Variants in MAGI2 observed in about 807,000 individuals in gnomAD.
The protein encoded by MAGI2 is membrane-associated guanylate kinase, WW and PDZ domain-containing protein 2.
A neutral mutation model predicts 133.3 loss-of-function variants in MAGI2; 35 were observed. That is an observed-to-expected ratio of 0.26 (90% CI 0.20 to 0.35). The LOEUF (loss-of-function observed/expected upper bound fraction) is 0.35. Ranked by LOEUF, MAGI2 falls within the 10% of genes least tolerant of loss-of-function variation. The pLI is 1.00. For missense variants in MAGI2, 1,636 were observed against 1,863.4 expected, an observed-to-expected ratio of 0.88 and a Z score of 2.25; for synonymous variants, 729 against 710.6, an observed-to-expected ratio of 1.03 and a Z score of -0.41.
chr7:79,048,286 C>G (rs1185186676), intron 1 of MAGI2, among the ~76,000 whole-genome samples: 2 of 152,208 alleles, frequency 1.3e-5, no homozygotes, highest in African/African-American at 4.8e-5. Flanking sequence ...CATTAAATTC[C>G]TTTTTACTAC....
intron 9 of MAGI2, among the ~76,000 whole-genome samples, chr7:78,328,463 G>A (rs942605189): frequency 2.9e-5 from 4 of 138,088 alleles, no homozygotes; most frequent in Non-Finnish European, 4.7e-5. Context: ...AATGTTCAAC[G>A]GATGCTTATA....
chr7:78,856,612 T>A (rs1454969646), intron 2 of MAGI2, among the ~76,000 whole-genome samples: 1 of 152,196 alleles, frequency 6.6e-6, no homozygotes, highest in Non-Finnish European at 1.5e-5. Flanking sequence ...TTGGTCTATA[T>A]CTCTGGTTTG....
intron 9 of MAGI2, among the ~76,000 whole-genome samples, chr7:78,330,312 T>G (rs1031831064): frequency 2.6e-5 from 4 of 152,146 alleles, no homozygotes; most frequent in African/African-American, 9.7e-5. Flanking sequence ...GTCAGACTAG[T>G]GCTGCATAGA....
intron 1 of MAGI2, among the ~76,000 whole-genome samples, chr7:79,276,066 C>T (rs1175007409): frequency 2.0e-5 from 3 of 152,084 alleles, no homozygotes; most frequent in South Asian, 2.1e-4. Flanking sequence ...GGAGTAATTC[C>T]GACTTTCAAG....
At chr7:79,150,653 A>G (rs1245984971) in intron 1 of MAGI2, among the ~76,000 whole-genome samples, 1 of 151,772 alleles carries the variant, frequency 6.6e-6, no homozygotes, top group African/African-American at 2.4e-5. Flanking sequence ...GTTTAATAAT[A>G]TAACTTCCCA....
intron 6 of MAGI2, among the ~76,000 whole-genome samples, chr7:78,396,629 T>C (rs1170550478): frequency 6.6e-6 from 1 of 152,216 alleles, no homozygotes; most frequent in East Asian, 1.9e-4. Flanking sequence ...TATAACATTT[T>C]ACTATTTATT....
At chr7:79,307,630 T>C (rs753527113) in intron 1 of MAGI2, among the ~76,000 whole-genome samples, 30 of 152,188 alleles carry the variant, frequency 2.0e-4, no homozygotes, top group Admixed American at 1.2e-3. Flanking sequence ...ATAACGAGGA[T>C]ATGATATAAT....
chr7:79,447,401 G>T (rs1015717600), intron 1 of MAGI2, among the ~76,000 whole-genome samples: 2 of 152,108 alleles, frequency 1.3e-5, no homozygotes, highest in Non-Finnish European at 2.9e-5. Context: ...TAAGGCAGTT[G>T]TATGTTTGTT....
intron 1 of MAGI2, among the ~76,000 whole-genome samples, chr7:79,109,258 T>C (rs1369954268): frequency 6.6e-6 from 1 of 152,162 alleles, no homozygotes; most frequent in African/African-American, 2.4e-5. Context: ...GCCTTGAAAC[T>C]TTTTAGAGAC....
intron 7 of MAGI2, among the ~76,000 whole-genome samples, chr7:78,365,971 A>G (rs1195010156): frequency 1.3e-5 from 2 of 152,152 alleles, no homozygotes; most frequent in Non-Finnish European, 2.9e-5. Flanking sequence ...GGTCTATCTG[A>G]AGAGAGGTGC....
At chr7:78,794,536 G>A (rs1186798210) in intron 2 of MAGI2, among the ~76,000 whole-genome samples, 1 of 151,626 alleles carries the variant, frequency 6.6e-6, no homozygotes, top group Non-Finnish European at 1.5e-5. Context: ...GTAAAGAGAT[G>A]GTTTCTTCAG....
At chr7:78,365,205 G>A (rs561182788) in intron 7 of MAGI2, among the ~76,000 whole-genome samples, 1 of 152,194 alleles carries the variant, frequency 6.6e-6, no homozygotes, top group Admixed American at 6.5e-5. Context: ...TGGTGGCTCA[G>A]AATGCCTGGG....
chr7:79,109,873 C>G (rs1021835369), intron 1 of MAGI2, among the ~76,000 whole-genome samples: 1 of 151,282 alleles, frequency 6.6e-6, no homozygotes, highest in Non-Finnish European at 1.5e-5. Flanking sequence ...CTCTTGCACT[C>G]TGTGTGCCTA....
At chr7:79,338,979 G>T (rs186540553) in intron 1 of MAGI2, among the ~76,000 whole-genome samples, 117 of 152,150 alleles carry the variant, frequency 7.7e-4, no homozygotes, top group Non-Finnish European at 1.3e-3. Context: ...AGACATTATT[G>T]TACTATTATT....
At chr7:78,595,067 G>A (rs976251104) in intron 3 of MAGI2, among the ~76,000 whole-genome samples, 1 of 152,134 alleles carries the variant, frequency 6.6e-6, no homozygotes, top group African/African-American at 2.4e-5. Flanking sequence ...TCTGTAACCG[G>A]TTACAGAAAT....
intron 7 of MAGI2, among the ~76,000 whole-genome samples, chr7:78,353,583 A>C (rs1427306000): frequency 5.9e-5 from 9 of 152,360 alleles, no homozygotes; most frequent in Admixed American, 2.6e-4. Context: ...ATTTGTATGC[A>C]TGACGTAAAT....
chr7:78,746,000 A>G (rs964983177), intron 2 of MAGI2, among the ~76,000 whole-genome samples: 8 of 152,142 alleles, frequency 5.3e-5, no homozygotes, highest in African/African-American at 1.7e-4. Context: ...TATCTTGGCA[A>G]TATTTCCTCT....
intron 6 of MAGI2, among the ~76,000 whole-genome samples, chr7:78,407,186 A>G (rs1330614180): frequency 1.3e-5 from 2 of 152,030 alleles, no homozygotes; most frequent in African/African-American, 4.8e-5. Flanking sequence ...TGAGAAAGGA[A>G]GGATCCGAAG....
chr7:78,933,191 A>T (rs1013157726), intron 2 of MAGI2, among the ~76,000 whole-genome samples: 1 of 152,072 alleles, frequency 6.6e-6, no homozygotes, highest in African/African-American at 2.4e-5. Flanking sequence ...TTCCTTGACA[A>T]CTGTTCTCCT....
Sources: gnomAD v4.1 joint callset for allele counts (sites outside exome capture counted in the v4.1 genomes callset) on GRCh38, gnomAD v4.1.1 for gene constraint, MANE v1.5 for transcripts, NCBI Gene and HGNC (gene_info 2026-07-23, HGNC 2026-07-21) for gene names.